FARS2: variants seen among roughly 807,000 people sequenced by gnomAD.
FARS2 encodes phenylalanine--tRNA ligase, mitochondrial.
FARS2 carries 40 observed loss-of-function variants against 46.4 expected under a neutral mutation model. The observed-to-expected ratio is 0.86, with a 90% CI of 0.67 to 1.12. FARS2 has a LOEUF of 1.12. FARS2 is among the 50% of genes most tolerant of loss of function. FARS2 has a pLI of 0.00. For synonymous variants in FARS2, 234 were observed against 214.9 expected (o/e 1.09, Z -0.78); for missense variants, 513 against 567.9 (o/e 0.90, Z 0.98).
chr6:5,617,373 G>T lies in FARS2; in HGVS notation c.1217+4053G>T, dbSNP rs1775533117. Among the ~76,000 whole-genome samples the T allele has an allele frequency of 3.3e-5, 5 of 152,238 alleles. No homozygotes were observed. In the South Asian group the frequency reaches 1.0e-3, roughly 31 times the overall value. ...TTTTTGGAGCTATGCCAAAGGGCATGGCTGCCAAGGGCATGTGTCCCTTAT... is the reference window on the plus strand; with the variant it reads ...TTTTTGGAGCTATGCCAAAGGGCATTGCTGCCAAGGGCATGTGTCCCTTAT... On this transcript the variant is annotated intron_variant, in intron 6 of 6. Coordinates refer to ENST00000274680, the MANE Select transcript of FARS2 (RefSeq NM_006567.5).
intron 1 of FARS2, among the ~76,000 whole-genome samples, chr6:5,354,922 A>T (rs973729865): frequency 1.3e-5 from 2 of 152,140 alleles, no homozygotes; most frequent in African/African-American, 4.8e-5. Flanking sequence ...GGTCTAGGGT[A>T]GGGCTTGAGA....
At chr6:5,477,415 A>T in intron 4 of FARS2, among the ~76,000 whole-genome samples, 1 of 152,186 alleles carries the variant, frequency 6.6e-6, no homozygotes, top group East Asian at 1.9e-4. Flanking sequence ...TGTTTGACCC[A>T]TGAGAACAGG....
intron 6 of FARS2, among the ~76,000 whole-genome samples, chr6:5,712,774 C>T: frequency 6.6e-6 from 1 of 152,218 alleles, no homozygotes; most frequent in Admixed American, 6.5e-5. Context: ...ACAGCTTGGC[C>T]TAGGGAGCTC....
At chr6:5,574,334 C>T (rs375402934) in intron 5 of FARS2, among the ~76,000 whole-genome samples, 1 of 152,058 alleles carries the variant, frequency 6.6e-6, no homozygotes, top group East Asian at 1.9e-4. Flanking sequence ...CCGTGTTAGC[C>T]AGGATGGTCT....
chr6:5,645,188 G>C (rs1479326508), intron 6 of FARS2, among the ~76,000 whole-genome samples: 1 of 152,206 alleles, frequency 6.6e-6, no homozygotes, highest in East Asian at 1.9e-4. Flanking sequence ...CAGAATGACA[G>C]TCATTCTCCC....
intron 5 of FARS2, among the ~76,000 whole-genome samples, chr6:5,579,474 A>G (rs564107347): frequency 1.3e-5 from 2 of 152,070 alleles, no homozygotes; most frequent in Non-Finnish European, 2.9e-5. Flanking sequence ...GGATTTCACC[A>G]TGTTGGCCAG....
intron 6 of FARS2, among the ~76,000 whole-genome samples, chr6:5,703,944 C>A (rs1487226424): frequency 6.6e-6 from 1 of 152,088 alleles, no homozygotes; most frequent in Non-Finnish European, 1.5e-5. Flanking sequence ...AGCTGTTTCT[C>A]CTCCCTCTCT....
chr6:5,255,320 T>C, the FARS2 span, among the ~76,000 whole-genome samples: 1 of 152,140 alleles, frequency 6.6e-6, no homozygotes, highest in African/African-American at 2.4e-5. Context: ...TAGCAACAAA[T>C]TGTAGATAGC....
intron 6 of FARS2, among the ~76,000 whole-genome samples, chr6:5,618,865 T>A (rs1486158029): frequency 6.6e-6 from 1 of 152,232 alleles, no homozygotes; most frequent in Non-Finnish European, 1.5e-5. Flanking sequence ...TGGAATATGG[T>A]ACTATATGAT....
chr6:5,334,509 A>G (rs1005150881), intron 1 of FARS2, among the ~76,000 whole-genome samples: 2 of 152,242 alleles, frequency 1.3e-5, no homozygotes, highest in African/African-American at 2.4e-5. Context: ...GGGCTTTTGT[A>G]TGATGGAATA....
At chr6:5,705,223 T>C (rs1019757549) in intron 6 of FARS2, among the ~76,000 whole-genome samples, 2 of 152,170 alleles carry the variant, frequency 1.3e-5, no homozygotes, top group African/African-American at 4.8e-5. Flanking sequence ...ATAGAAAATA[T>C]AGTTTGAATC....
At chr6:5,403,334 A>C (rs952838504) in intron 2 of FARS2, among the ~76,000 whole-genome samples, 1 of 152,082 alleles carries the variant, frequency 6.6e-6, no homozygotes. Context: ...GCTCATCCTC[A>C]TCAGGGGGAT....
intron 2 of FARS2, among the ~76,000 whole-genome samples, chr6:5,380,576 G>A (rs1759689913): frequency 6.6e-6 from 1 of 152,122 alleles, no homozygotes. Context: ...GTGAAAGGGA[G>A]TTTTCTTTAC....
chr6:5,710,191 A>C (rs1420623977), intron 6 of FARS2, among the ~76,000 whole-genome samples: 1 of 151,996 alleles, frequency 6.6e-6, no homozygotes, highest in Non-Finnish European at 1.5e-5. Context: ...ACCACCAGCA[A>C]CCTCATATGT....
At chr6:5,429,537 G>GT (rs1763042729) in intron 3 of FARS2, among the ~76,000 whole-genome samples, 1 of 152,126 alleles carries the variant, frequency 6.6e-6, no homozygotes, top group Non-Finnish European at 1.5e-5. Context: ...CGAGTGCCGT[G>GT]GCTCCTGCCT....
chr6:5,603,385 C>T (rs538419872), intron 5 of FARS2, among the ~76,000 whole-genome samples: 3 of 152,194 alleles, frequency 2.0e-5, no homozygotes, highest in Non-Finnish European at 2.9e-5. Flanking sequence ...TGCAAGCTCC[C>T]ACCCATCACA....
intron 6 of FARS2, among the ~76,000 whole-genome samples, chr6:5,734,125 A>G (rs1192178830): frequency 6.6e-6 from 1 of 152,164 alleles, no homozygotes; most frequent in Admixed American, 6.5e-5. Context: ...GGCAAGTTCC[A>G]GTGGTAGATG....
At chr6:5,262,982 A>C (rs2127800137) in intron 1 of FARS2, among the ~76,000 whole-genome samples, 1 of 152,322 alleles carries the variant, frequency 6.6e-6, no homozygotes, top group Non-Finnish European at 1.5e-5. Context: ...CTCTTGATAC[A>C]CTATTGTGTG....
At chr6:5,394,116 A>C (rs1760749254) in intron 2 of FARS2, among the ~76,000 whole-genome samples, 1 of 152,244 alleles carries the variant, frequency 6.6e-6, no homozygotes. Flanking sequence ...TTTAAGCTTC[A>C]GAATGAGGAG....
Sources: allele counts gnomAD v4.1 joint callset (sites outside exome capture counted in the v4.1 genomes callset), GRCh38; gene constraint gnomAD v4.1.1; transcripts MANE v1.5; gene names NCBI Gene and HGNC (gene_info 2026-07-23, HGNC 2026-07-21).